The following CPA6 variants were observed in gnomAD, a reference collection of about 807,000 sequenced individuals.
CPA6 encodes the protein carboxypeptidase B.
CPA6 carries 58 observed loss-of-function variants against 63.3 expected under a neutral mutation model. The ratio of observed to expected loss-of-function variants is 0.92; its 90% CI spans 0.74 to 1.14. The LOEUF (loss-of-function observed/expected upper bound fraction) is 1.14. Ranked by LOEUF, CPA6 falls within the 50% of genes most tolerant of loss-of-function variation. The pLI is 0.00. For synonymous variants in CPA6, 185 were observed against 179.0 expected, an observed-to-expected ratio of 1.03 and a Z score of -0.27; for missense variants, 565 against 526.6, an observed-to-expected ratio of 1.07 and a Z score of -0.71.
chr8:67,607,778 T>C (rs1814704788), intron 2 of CPA6, among the ~76,000 whole-genome samples: 1 of 152,232 alleles, frequency 6.6e-6, no homozygotes, highest in Non-Finnish European at 1.5e-5. Context: ...TCTATGTTCC[T>C]TTGTCTACTG....
intron 8 of CPA6, among the ~76,000 whole-genome samples, chr8:67,469,431 C>G (rs887128358): frequency 6.6e-6 from 1 of 152,102 alleles, no homozygotes; most frequent in South Asian, 2.1e-4. Flanking sequence ...CATGGTGAAA[C>G]CCTGTCTCTA....
intron 8 of CPA6, among the ~76,000 whole-genome samples, chr8:67,458,697 T>C (rs187060450): frequency 5.7e-4 from 87 of 152,274 alleles, no homozygotes; most frequent in Middle Eastern, 3.4e-3. Context: ...AAAGAGCTCT[T>C]AAAACTCAGT....
intron 2 of CPA6, among the ~76,000 whole-genome samples, chr8:67,553,793 G>GA (rs1165570921): frequency 6.6e-6 from 1 of 152,122 alleles, no homozygotes; most frequent in Admixed American, 6.5e-5. Context: ...CAACATGAAT[G>GA]ACTTGGTCTT....
chr8:67,698,657 TTGAC>T (rs1563398092), intron 1 of CPA6, among the ~76,000 whole-genome samples: 1 of 152,096 alleles, frequency 6.6e-6, no homozygotes, highest in Non-Finnish European at 1.5e-5. Context: ...TCTTATTTTA[TTGAC>T]TGTTTCATGA....
intron 2 of CPA6, among the ~76,000 whole-genome samples, chr8:67,541,089 A>G (rs1812693934): frequency 6.8e-6 from 1 of 147,174 alleles, no homozygotes; most frequent in African/African-American, 2.5e-5. Flanking sequence ...ACTGGGTACG[A>G]AAAAAAAAAA....
At chr8:67,546,033 C>A (rs1030682531) in intron 2 of CPA6, among the ~76,000 whole-genome samples, 1 of 152,162 alleles carries the variant, frequency 6.6e-6, no homozygotes, top group Non-Finnish European at 1.5e-5. Context: ...TGCCTCCATC[C>A]CCTGGCAGGA....
intron 1 of CPA6, among the ~76,000 whole-genome samples, chr8:67,739,702 G>A (rs1022563308): frequency 6.6e-6 from 1 of 152,170 alleles, no homozygotes; most frequent in African/African-American, 2.4e-5. Context: ...AAGTGAAAAA[G>A]AGGCAGGAAA....
At chr8:67,475,842 TC>T (rs1811190175) in intron 8 of CPA6, among the ~76,000 whole-genome samples, 10 of 92,960 alleles carry the variant, frequency 1.1e-4, no homozygotes, top group Non-Finnish European at 4.2e-5. Flanking sequence ...TTTCTTTCTT[TC>T]TTTCTTTCTT....
intron 2 of CPA6, among the ~76,000 whole-genome samples, chr8:67,611,441 G>A (rs895227261): frequency 6.6e-6 from 1 of 152,128 alleles, no homozygotes; most frequent in African/African-American, 2.4e-5. Context: ...TAGGGACAAC[G>A]AGAACCTTAT....
At chr8:67,587,020 A>G (rs1813957103) in intron 2 of CPA6, among the ~76,000 whole-genome samples, 1 of 152,242 alleles carries the variant, frequency 6.6e-6, no homozygotes. Context: ...TGAAACTAGT[A>G]TGGCAAAGGC....
rs371745217 is a variant in CPA6 at position 67,560,302 on chromosome 8, T to C, written c.193-42255A>G. Among the ~76,000 whole-genome samples, 5 of 152,254 alleles carry C rather than the reference T, an allele frequency of 3.3e-5. No homozygotes were observed. In the East Asian group the frequency reaches 5.8e-4, roughly 18 times the overall value. ...GCTCGCTAGACATTATCATCATTTA[T>C]GACACAGGGCATTGTTAACCTGATA... On this transcript the variant is annotated intron_variant, in intron 2 of 10. Coordinates refer to ENST00000297770, the MANE Select transcript of CPA6 (RefSeq NM_020361.5).
chr8:67,508,928 C>T (rs181220955), intron 5 of CPA6, among the ~76,000 whole-genome samples: 2 of 152,194 alleles, frequency 1.3e-5, no homozygotes, highest in Admixed American at 1.3e-4. Flanking sequence ...AATTGGCTCA[C>T]AGTTCCGTAG....
intron 1 of CPA6, among the ~76,000 whole-genome samples, chr8:67,722,021 T>C (rs1228082219): frequency 6.6e-6 from 1 of 152,262 alleles, no homozygotes; most frequent in African/African-American, 2.4e-5. Context: ...TCTGAATGTT[T>C]CTGTACCTCA....
chr8:67,485,866 A>G lies in CPA6; in HGVS notation c.637-1077T>C, dbSNP rs186408925. Among the ~76,000 whole-genome samples, 18 of 152,344 alleles carry G rather than the reference A, an allele frequency of 1.2e-4. No individual in the cohort carries two copies. The East Asian group carries it at 3.5e-3, about 29-fold the overall frequency. ...AGTTTCCATTTGTGGATGGAATTGC[A>G]TTAATGCACTCTGGTCTATAACAAT... On this transcript the variant is annotated intron_variant, in intron 6 of 10. Coordinates refer to ENST00000297770, the MANE Select transcript of CPA6 (RefSeq NM_020361.5).
At chr8:67,492,944 T>C (rs1488878669) in intron 6 of CPA6, among the ~76,000 whole-genome samples, 2 of 152,062 alleles carry the variant, frequency 1.3e-5, no homozygotes, top group African/African-American at 4.8e-5. Context: ...AGAGTGAGCA[T>C]GGGAGAACAT....
At chr8:67,727,193 C>T (rs1158244051) in intron 1 of CPA6, among the ~76,000 whole-genome samples, 1 of 152,066 alleles carries the variant, frequency 6.6e-6, no homozygotes, top group African/African-American at 2.4e-5. Context: ...TTGGACATAA[C>T]AACCACTTGT....
intron 6 of CPA6, among the ~76,000 whole-genome samples, chr8:67,492,939 G>A (rs1587488861): frequency 6.6e-6 from 1 of 152,172 alleles, no homozygotes; most frequent in African/African-American, 2.4e-5. Flanking sequence ...TGGGGAGAGT[G>A]AGCATGGGAG....
chr8:67,599,470 A>C (rs1814436096), intron 2 of CPA6, among the ~76,000 whole-genome samples: 1 of 152,146 alleles, frequency 6.6e-6, no homozygotes, highest in South Asian at 2.1e-4. Flanking sequence ...GCCTAGCCAG[A>C]GTCTTGGTGA....
intron 1 of CPA6, among the ~76,000 whole-genome samples, chr8:67,681,088 C>G (rs1452693207): frequency 6.6e-6 from 1 of 151,742 alleles, no homozygotes; most frequent in African/African-American, 2.4e-5. Flanking sequence ...TGTCCAAGAG[C>G]AGACGTTTTT....
Sources: gnomAD v4.1 joint callset for allele counts (sites outside exome capture counted in the v4.1 genomes callset) on GRCh38, gnomAD v4.1.1 for gene constraint, MANE v1.5 for transcripts, NCBI Gene and HGNC (gene_info 2026-07-23, HGNC 2026-07-21) for gene names.